The following CAMTA1 variants were observed in gnomAD, a reference collection of about 807,000 sequenced individuals.
CAMTA1 encodes calmodulin binding transcription activator 1, also known as calmodulin-binding transcription activator 1.
Under a neutral mutation model 170.9 loss-of-function variants are expected in CAMTA1, and 27 were observed. That is an observed-to-expected ratio of 0.16 (90% CI 0.12 to 0.22). CAMTA1 has a LOEUF of 0.22. Ranked by LOEUF, CAMTA1 falls within the 10% of genes least tolerant of loss-of-function variation. The pLI is 1.00. For missense variants in CAMTA1, 1,619 were observed against 2,217.2 expected (o/e 0.73, Z 5.42); for synonymous variants, 833 against 891.5 (o/e 0.93, Z 1.17).
chr1:7,311,147 G>A (rs115933713), intron 5 of CAMTA1, among the ~76,000 whole-genome samples: 1,980 of 152,238 alleles, frequency 0.013, 36 homozygotes, highest in African/African-American at 0.045. Flanking sequence ...GTAGGTTTAC[G>A]TCTTGTGCCA....
At chr1:7,666,566 G>C (rs978804804) in intron 9 of CAMTA1, among the ~76,000 whole-genome samples, 3 of 152,220 alleles carry the variant, frequency 2.0e-5, no homozygotes, top group Non-Finnish European at 4.4e-5. Flanking sequence ...AAATAACCTA[G>C]TGCAGACAAG....
intron 3 of CAMTA1, among the ~76,000 whole-genome samples, chr1:6,827,072 C>T (rs1408303300): frequency 6.6e-6 from 1 of 152,110 alleles, no homozygotes; most frequent in Non-Finnish European, 1.5e-5. Flanking sequence ...CTTTCTGGAC[C>T]TCAGTCCACA....
intron 5 of CAMTA1, among the ~76,000 whole-genome samples, chr1:7,327,099 A>T (rs944917350): frequency 1.3e-5 from 2 of 152,102 alleles, no homozygotes; most frequent in South Asian, 2.1e-4. Flanking sequence ...CGGGGGGGAA[A>T]GTCTGTTGGA....
At position 7,333,343 on chromosome 1, in the gene CAMTA1, G is replaced by A. The variant is rs1489373453; in HGVS notation, c.438+83717G>A. Among the ~76,000 whole-genome samples the A allele has an allele frequency of 2.0e-5, 3 of 152,144 alleles. No homozygotes were observed. In the East Asian group the frequency reaches 5.8e-4, roughly 29 times the overall value. ...ATTCCTGCCGGTGAGGGAGAGACCC[G>A]CAGGGGAGTCGGATCTGACACGGGA... is the stretch of plus-strand genomic sequence containing the variant. On this transcript the variant is annotated intron_variant, in intron 5 of 22. Coordinates refer to ENST00000303635, the MANE Select transcript of CAMTA1 (RefSeq NM_015215.4). This position sits in a 1 kb window ranked among gnomAD's most constrained non-coding sequence, Gnocchi z 4.4.
chr1:7,518,965 G>C (rs376695445), intron 6 of CAMTA1, among the ~76,000 whole-genome samples: 31 of 152,142 alleles, frequency 2.0e-4, no homozygotes, highest in African/African-American at 7.5e-4. Flanking sequence ...CCGGCCCTGT[G>C]CCAGGAGCAG....
chr1:7,270,093 G>A (rs1255972730), intron 5 of CAMTA1, among the ~76,000 whole-genome samples: 1 of 151,776 alleles, frequency 6.6e-6, no homozygotes, highest in Non-Finnish European at 1.5e-5. Context: ...TATTCTTCAA[G>A]AGTGAAGGTA....
intron 5 of CAMTA1, among the ~76,000 whole-genome samples, chr1:7,398,538 T>C (rs2089626087): frequency 6.6e-6 from 1 of 152,058 alleles, no homozygotes; most frequent in Non-Finnish European, 1.5e-5. Context: ...CATAGTCAAG[T>C]TGTGTTTTCT....
At chr1:6,832,677 A>G (rs968837558) in intron 3 of CAMTA1, among the ~76,000 whole-genome samples, 1 of 152,218 alleles carries the variant, frequency 6.6e-6, no homozygotes, top group East Asian at 1.9e-4. Flanking sequence ...GTGGAAAGTC[A>G]GTTAACCTTT....
chr1:6,952,926 C>T (rs1478583269), intron 3 of CAMTA1, among the ~76,000 whole-genome samples: 1 of 152,110 alleles, frequency 6.6e-6, no homozygotes, highest in Non-Finnish European at 1.5e-5. Flanking sequence ...ACAGGGATCC[C>T]CCGGATCTCA....
At position 7,745,042 on chromosome 1, in the gene CAMTA1, T is replaced by C. The variant is rs370604507; in HGVS notation, c.4370+20T>C. 45 of 1,598,494 alleles carry C rather than the reference T, an allele frequency of 2.8e-5. No homozygotes were observed. The highest frequency in any genetic ancestry group is 3.6e-5 in the Non-Finnish European group (42 of 1,172,334). Reference sequence around the variant, plus strand: ...GATCCGGTGAGTAAAGTTACGGAGGTCACTACCCAGCATAGATTCCCGGAT... The same window carrying C: ...GATCCGGTGAGTAAAGTTACGGAGGCCACTACCCAGCATAGATTCCCGGAT... On this transcript the variant is annotated intron_variant, in intron 17 of 22. Transcript: ENST00000303635.
intron 16 of CAMTA1, among the ~76,000 whole-genome samples, chr1:7,742,792 G>T: frequency 6.6e-6 from 1 of 152,192 alleles, no homozygotes; most frequent in East Asian, 1.9e-4. Flanking sequence ...TACCGTTTGA[G>T]TCACAAATCA....
intron 3 of CAMTA1, among the ~76,000 whole-genome samples, chr1:7,021,076 G>A (rs572681372): frequency 2.0e-5 from 3 of 152,208 alleles, no homozygotes; most frequent in Non-Finnish European, 4.4e-5. Flanking sequence ...GGACCTGCCC[G>A]GGGGCTCCAT....
intron 5 of CAMTA1, among the ~76,000 whole-genome samples, chr1:7,278,246 C>A (rs1042857690): frequency 2.0e-5 from 3 of 152,156 alleles, no homozygotes; most frequent in Non-Finnish European, 4.4e-5. Flanking sequence ...AGGGTGGGGG[C>A]CACACCTGGT....
Position 7,034,761 on chromosome 1 carries a change from A to G in CAMTA1, c.235-56543A>G, listed in dbSNP as rs1372618922. On this transcript the variant is annotated intron_variant, in intron 3 of 22. Coordinates refer to ENST00000303635, the MANE Select transcript of CAMTA1 (RefSeq NM_015215.4). ...TGACCTCGCCGTTCTTCACTCCCAG[A>G]TGTCTGATATCTAGAGAACTGATGT... is the stretch of plus-strand genomic sequence containing the variant. Among the ~76,000 whole-genome samples the G allele has an allele frequency of 2.0e-5, 3 of 152,232 alleles. No homozygotes were observed. In the East Asian group the frequency reaches 5.8e-4, roughly 29 times the overall value.
chr1:6,850,800 A>G (rs565490133), intron 3 of CAMTA1, among the ~76,000 whole-genome samples: 1 of 152,268 alleles, frequency 6.6e-6, no homozygotes, highest in South Asian at 2.1e-4. Context: ...CAGAGGGCGG[A>G]GGACAAAAAT....
chr1:6,889,275 A>G (rs1674001443), intron 3 of CAMTA1, among the ~76,000 whole-genome samples: 1 of 152,252 alleles, frequency 6.6e-6, no homozygotes, highest in Admixed American at 6.5e-5. Context: ...TTATGAAAGT[A>G]TAACAAGTAT....
intron 1 of CAMTA1, among the ~76,000 whole-genome samples, chr1:6,786,420 C>T (rs1025555938): frequency 6.6e-6 from 1 of 152,156 alleles, no homozygotes; most frequent in Non-Finnish European, 1.5e-5. Flanking sequence ...TGACCCCGAT[C>T]CTTCCTTGGC....
chr1:7,749,585 A>T (rs1479717193), intron 19 of CAMTA1, among the ~76,000 whole-genome samples: 1 of 151,722 alleles, frequency 6.6e-6, no homozygotes, highest in Non-Finnish European at 1.5e-5. Context: ...AGCTAGGAAG[A>T]CAGAAGGCAT....
intron 4 of CAMTA1, among the ~76,000 whole-genome samples, chr1:7,242,602 C>G (rs1452016134): frequency 2.6e-5 from 4 of 152,036 alleles, no homozygotes; most frequent in Non-Finnish European, 5.9e-5. Flanking sequence ...TTTCCATGTG[C>G]CTTCTAGGTC....
Sources: allele counts gnomAD v4.1 joint callset (sites outside exome capture counted in the v4.1 genomes callset), GRCh38; gene constraint gnomAD v4.1.1; non-coding constraint Gnocchi (gnomAD v3.1); transcripts MANE v1.5; gene names NCBI Gene and HGNC (gene_info 2026-07-23, HGNC 2026-07-21).